Variants in PPM1J observed in about 807,000 individuals in gnomAD.
PPM1J encodes protein phosphatase, Mg2+/Mn2+ dependent 1J.
Under a neutral mutation model 53.3 loss-of-function variants are expected in PPM1J, and 43 were observed. The observed-to-expected ratio is 0.81, with a 90% CI of 0.63 to 1.04. PPM1J has a LOEUF of 1.04. PPM1J is among the 50% of genes least tolerant of loss of function. PPM1J has a pLI of 0.00. For missense variants in PPM1J, 635 were observed against 685.9 expected (o/e 0.93, Z 0.83); for synonymous variants, 267 against 286.4 (o/e 0.93, Z 0.68).
At chr1:112,712,297 CAG>C (rs1570841995) in intron 4 of PPM1J, 46 bp downstream of exon 4, 16 of 1,413,394 alleles carry the variant, frequency 1.1e-5, no homozygotes, top group Non-Finnish European at 1.5e-5. Flanking sequence ...TCCCCCAACT[CAG>C]AGAGTGTGGC....
chr1:112,711,844 C>G, intron 5 of PPM1J, 127 bp downstream of exon 5: 1 of 662,126 alleles, frequency 1.5e-6, no homozygotes, highest in South Asian at 1.9e-5. Flanking sequence ...ATAGTCCACA[C>G]AGCGGCCTTC....
At position 112,712,892 on chromosome 1, in the gene PPM1J, G is replaced by A. The variant is rs2101482615; in HGVS notation, c.581C>T (p.Pro194Leu). 1 of 1,614,034 alleles carries A rather than the reference G, an allele frequency of 6.2e-7. No individual in the cohort carries two copies. The highest frequency in any genetic ancestry group is 8.5e-7 in the Non-Finnish European group (1 of 1,180,040). Residue 194 changes from proline to leucine, a missense_variant, in exon 3 of 10, where the codon CCA becomes CTA. Coordinates refer to ENST00000309276, the MANE Select transcript of PPM1J (RefSeq NM_005167.7). ...LVEILQDPSP[P>L]PLCLPTTPGT... is the part of the protein sequence containing the mutation. ...CGGAGTGGTTGGGAGGCAGAGGGGTGGTGGCGAAGGGTCCTGAAGTATCTC... is the reference window on the plus strand; with the variant it reads ...CGGAGTGGTTGGGAGGCAGAGGGGTAGTGGCGAAGGGTCCTGAAGTATCTC...
chr1:112,712,434 C>A lies in PPM1J; in HGVS notation c.753G>T (p.Arg251=). 5 of 1,613,904 alleles carry A rather than the reference C, an allele frequency of 3.1e-6. No individual in the cohort carries two copies. Among genetic ancestry groups the A allele is most frequent in the Non-Finnish European group, 4.2e-6 (5 of 1,179,948 alleles). Residue 251 remains arginine, a synonymous_variant, in exon 4 of 10, where the codon CGG becomes CGT. Transcript: ENST00000309276. Reference sequence around the variant, plus strand: ...AGCCCCCCTCCACTTGGTGGCCACGCCGCTCCCGGGCCATCTGCTCATCCT... The same window carrying A: ...AGCCCCCCTCCACTTGGTGGCCACGACGCTCCCGGGCCATCTGCTCATCCT... ...QLMDEQMARE[R]RGHQVEGGCC... is the part of the protein sequence containing the mutation.
Position 112,715,281 on chromosome 1 carries a change from C to G in PPM1J, c.21G>C (p.Ser7=), listed in dbSNP as rs1442919724. The G allele has an allele frequency of 9.9e-6, 13 of 1,314,962 alleles. No individual in the cohort carries two copies. In the South Asian group the frequency reaches 1.2e-4, roughly 13 times the overall value. The allele number at this position is 1,314,962 out of a possible 1,614,324, so 81.5% of individuals were successfully genotyped here. A position where few individuals can be genotyped will look rare whatever the true frequency, so the allele number is the denominator to read the frequency against. The change falls in exon 1 of 10, where the codon TCG becomes TCC. Residue 7 remains serine (S), a synonymous_variant. Transcript: ENST00000309276. This position sits in a 1 kb window ranked among gnomAD's most constrained non-coding sequence, Gnocchi z 4.4. Reference sequence around the variant, plus strand: ...CGGAGCTCACCAGGTGCGCCACGGCCGAGCGCACCCGGTTTAGCATGCTGC... The same window carrying G: ...CGGAGCTCACCAGGTGCGCCACGGCGGAGCGCACCCGGTTTAGCATGCTGC... MLNRVR[S]AVAHLVSSGG...
intron 7 of PPM1J, 54 bp downstream of exon 7, chr1:112,710,954 A>T: frequency 6.3e-7 from 1 of 1,593,256 alleles, no homozygotes; most frequent in Non-Finnish European, 8.6e-7. Context: ...CCACCTCCCT[A>T]GACAAGTTGT....
intron 3 of PPM1J, 90 bp downstream of exon 3, chr1:112,712,654 G>A (rs1675093311): frequency 1.5e-6 from 2 of 1,374,894 alleles, no homozygotes; most frequent in Admixed American, 2.0e-5. Flanking sequence ...CAAAGGTGTT[G>A]TGGGTTCTCA....
In PPM1J at chr1:112,712,048, T is replaced by C. The variant is rs1293291212; in HGVS notation, c.850A>G (p.Ile284Val). The C allele has an allele frequency of 3.7e-6, 6 of 1,608,480 alleles. No individual in the cohort carries two copies. The highest frequency in any genetic ancestry group is 5.1e-6 in the Non-Finnish European group (6 of 1,176,244). ...VANAGDSRAIIVRNGEIIPMS... is the reference protein window; with the variant it reads ...VANAGDSRAIVVRNGEIIPMS... ...GGAATGATTTCACCATTCCGGACAA[T>C]GATGGCCCTGCCCAAAGAAAGAAAA... The change falls in exon 5 of 10, where the codon ATT becomes GTT. Residue 284 changes from isoleucine to valine, a missense_variant. Physicochemically the swap from Ile to Val is conservative, Grantham distance 29. Transcript: ENST00000309276.
At position 112,710,821 on chromosome 1, in the gene PPM1J, G is replaced by C. The variant is rs569353967; in HGVS notation, c.1141C>G (p.Arg381Gly). Reference protein sequence around the residue: ...ARVMATIGVTRGLGDHSLKVC... With the variant: ...ARVMATIGVTGGLGDHSLKVC... Reference sequence around the variant, plus strand: ...TTAAGGCTGTGGTCTCCCAAGCCTCGGGTCACCCCAATGGTGGCCATCACC... The same window carrying C: ...TTAAGGCTGTGGTCTCCCAAGCCTCCGGTCACCCCAATGGTGGCCATCACC... Residue 381 changes from arginine to glycine, a missense_variant, in exon 8 of 10, where the codon CGA (arginine) becomes GGA (glycine). Transcript: ENST00000309276. 2 of 1,613,756 alleles carry C rather than the reference G, an allele frequency of 1.2e-6. No individual in the cohort carries two copies. Among genetic ancestry groups the C allele is most frequent in the African/African-American group, 1.3e-5 (1 of 74,872 alleles).
chr1:112,710,512 C>T lies in PPM1J; in HGVS notation c.1318G>A (p.Ala440Thr). The T allele has an allele frequency of 1.9e-6, 3 of 1,614,172 alleles. No individual in the cohort carries two copies. The highest frequency in any genetic ancestry group is 2.5e-6 in the Non-Finnish European group (3 of 1,180,042). ...LWDVTTDCEV[A>T]ATVDRVLSAY... ...GACAGCACCCTGTCCACAGTGGCAG[C>T]TACCTCACAGTCAGTAGTGACATCC... The change falls in exon 9 of 10, where the codon GCT becomes ACT. Residue 440 changes from alanine to threonine, a missense_variant. Coordinates refer to ENST00000309276, the MANE Select transcript of PPM1J (RefSeq NM_005167.7).
intron 9 of PPM1J, 48 bp from the exon 10 acceptor site, chr1:112,710,358 A>G: frequency 6.2e-7 from 1 of 1,611,076 alleles, no homozygotes; most frequent in Non-Finnish European, 8.5e-7. Context: ...GTATGTGGGA[A>G]GACAGATACA....
chr1:112,710,123 A>G lies in PPM1J; in HGVS notation c.*40T>C, dbSNP rs372374828. 6.6e-6 allele frequency: 10 copies of G among 1,508,986 alleles called. No homozygotes were observed. The Admixed American group carries it at 1.2e-4, about 18-fold the overall frequency. The allele number at this position is 1,508,986 out of a possible 1,614,324, so 93.5% of individuals were successfully genotyped here. A position where few individuals can be genotyped will look rare whatever the true frequency, so the allele number is the denominator to read the frequency against. ...TCAGAATTTGGGCTGTGAGAGGAGT[A>G]AGTATGGAGAGGCTAGTGGGAGGGA... On this transcript the variant is annotated 3_prime_UTR_variant, in exon 10 of 10. Transcript: ENST00000309276.
intron 4 of PPM1J, 106 bp downstream of exon 4, chr1:112,712,239 C>A: frequency 1.9e-6 from 2 of 1,034,066 alleles, no homozygotes; most frequent in Non-Finnish European, 1.4e-6. Flanking sequence ...CCCCTCTTGA[C>A]TCCCTCCAAT....
At chr1:112,713,111 T>A in intron 2 of PPM1J, 80 bp from the exon 3 acceptor site, 1 of 1,259,538 alleles carries the variant, frequency 7.9e-7, no homozygotes. Flanking sequence ...GCAAGGTGAA[T>A]AACAAGACTC....
At chr1:112,711,585 TA>T in intron 5 of PPM1J, 1 of 578,912 alleles carries the variant, frequency 1.7e-6, no homozygotes, top group Non-Finnish European at 3.1e-6. Flanking sequence ...ACAGAGAGGT[TA>T]AGGGAGGGAA....
In PPM1J at chr1:112,713,374, G is replaced by C. The variant is rs866236215; in HGVS notation, c.441+123C>G. On this transcript the variant is annotated intron_variant, in intron 2 of 9. Coordinates refer to ENST00000309276, the MANE Select transcript of PPM1J (RefSeq NM_005167.7). ...CTGATGAATACCAGGTAAAGGTTCT[G>C]TGCCAGAAGGTAGATAGCCAGTGAG... The C allele has an allele frequency of 2.0e-5, 14 of 699,166 alleles. No individual in the cohort carries two copies. The African/African-American group carries it at 2.3e-4, about 11-fold the overall frequency. The allele number at this position is 699,166 out of a possible 1,614,324, so 43.3% of individuals were successfully genotyped here.
chr1:112,710,204 C>T lies in PPM1J; in HGVS notation c.1477G>A (p.Val493Ile). The T allele has an allele frequency of 6.3e-7, 1 of 1,581,466 alleles. No individual in the cohort carries two copies. The highest frequency in any genetic ancestry group is 8.5e-7 in the Non-Finnish European group (1 of 1,169,660). The change falls in exon 10 of 10, where the codon GTC becomes ATC. Residue 493 changes from valine to isoleucine, a missense_variant. Val to Ile is a conservative substitution (Grantham distance 29). Coordinates refer to ENST00000309276, the MANE Select transcript of PPM1J (RefSeq NM_005167.7). ...NKLGSGDDIS[V>I]FVIPLGGPGS... ...GGCCCTCCCAGGGGGATGACGAAGA[C>T]AGAGATGTCATCCCCGGAACCCAGC... is the stretch of plus-strand genomic sequence containing the variant.
Position 112,710,579 on chromosome 1 carries a change from G to A in PPM1J, c.1251C>T (p.His417=), listed in dbSNP as rs1214061978. Residue 417 remains histidine, a synonymous_variant, in exon 9 of 10, where the codon CAC becomes CAT. Coordinates refer to ENST00000309276, the MANE Select transcript of PPM1J (RefSeq NM_005167.7). Reference sequence around the variant, plus strand: ...CCAGGACTAGCACATCATCTGGGCAGTGCTCATATTGTGTCAGGTCATACA... The same window carrying A: ...CCAGGACTAGCACATCATCTGGGCAATGCTCATATTGTGTCAGGTCATACA... ...VRVYDLTQYE[H]CPDDVLVLGT... 1.2e-6 allele frequency: 2 copies of A among 1,614,072 alleles called. No individual in the cohort carries two copies. Among genetic ancestry groups the A allele is most frequent in the African/African-American group, 2.7e-5 (2 of 74,908 alleles).
At chr1:112,712,702 AGTG>A in intron 3 of PPM1J, 39 bp downstream of exon 3, 5 of 1,568,364 alleles carry the variant, frequency 3.2e-6, no homozygotes, top group Non-Finnish European at 4.3e-6. Context: ...AGTTGGCCAG[AGTG>A]GTTGCCTAGC....
At chr1:112,714,104 G>A (rs991013798) in intron 1 of PPM1J, 9 of 1,012,922 alleles carry the variant, frequency 8.9e-6, no homozygotes, top group Non-Finnish European at 2.4e-6. Flanking sequence ...CCTTAACAAT[G>A]AGGAAGCTCT....
Sources: gnomAD v4.1 joint callset for allele counts on GRCh38, gnomAD v4.1.1 for gene constraint, Gnocchi (gnomAD v3.1) non-coding constraint, MANE v1.5 for transcripts, NCBI Gene and HGNC (gene_info 2026-07-23, HGNC 2026-07-21) for gene names.